Variants in STX18 observed in about 807,000 individuals in gnomAD.
The protein encoded by STX18 is syntaxin 18.
A neutral mutation model predicts 50.1 loss-of-function variants in STX18; 40 were observed. The observed-to-expected ratio is 0.80, with a 90% CI of 0.62 to 1.04. The LOEUF (loss-of-function observed/expected upper bound fraction) is 1.04, where lower values mean the gene tolerates loss of function less well. STX18 is among the 50% of genes least tolerant of loss of function. The pLI is 0.00. For synonymous variants in STX18, 158 were observed against 151.8 expected (o/e 1.04, Z -0.30); for missense variants, 410 against 415.8 (o/e 0.99, Z 0.12).
intron 5 of STX18, among the ~76,000 whole-genome samples, chr4:4,452,217 T>C (rs1338986655): frequency 6.6e-6 from 1 of 152,116 alleles, no homozygotes; most frequent in Non-Finnish European, 1.5e-5. Context: ...GCAGCAGAGG[T>C]TGGTTCATGA....
chr4:4,488,920 C>G (rs1027667523), intron 1 of STX18, among the ~76,000 whole-genome samples: 2 of 152,182 alleles, frequency 1.3e-5, no homozygotes, highest in East Asian at 3.9e-4. Flanking sequence ...GCAAAAGCAA[C>G]TTCAAGCGGC....
chr4:4,523,015 G>A (rs1325475900), intron 1 of STX18, among the ~76,000 whole-genome samples: 1 of 152,164 alleles, frequency 6.6e-6, no homozygotes, highest in Non-Finnish European at 1.5e-5. Flanking sequence ...GCACTTTCAA[G>A]GTGCTTTACT....
At position 4,423,508 on chromosome 4, in the gene STX18, GTTTT is replaced by G. The variant is rs528306573; in HGVS notation, c.831+6_831+9del. On this transcript the variant is annotated splice_donor_region_variant and intron_variant, in intron 9 of 10. Coordinates refer to ENST00000306200, the MANE Select transcript of STX18 (RefSeq NM_016930.4). ...GAAAACATACAGCTCCTTTGTTTTT[GTTTT>G]TTTACCTGTTGCAAAACCTTTTCCG... The G allele has an allele frequency of 1.1e-3, 1,797 of 1,613,628 alleles. 14 individuals are homozygous for G. In the African/African-American group the frequency reaches 0.021, roughly 19 times the overall value.
chr4:4,477,662 C>A (rs1214371136), intron 1 of STX18, among the ~76,000 whole-genome samples: 1 of 152,178 alleles, frequency 6.6e-6, no homozygotes, highest in South Asian at 2.1e-4. Context: ...TCCAGCCAGT[C>A]TAAGTACCAG....
At chr4:4,439,668 C>T (rs1222160953) in intron 5 of STX18, among the ~76,000 whole-genome samples, 2 of 150,788 alleles carry the variant, frequency 1.3e-5, no homozygotes, top group Non-Finnish European at 2.9e-5. Context: ...CGTATATGTT[C>T]TAAGTCACAT....
chr4:4,442,604 G>A (rs1010229527), intron 5 of STX18, among the ~76,000 whole-genome samples: 1 of 152,048 alleles, frequency 6.6e-6, no homozygotes, highest in African/African-American at 2.4e-5. Context: ...GCGAAAGAAC[G>A]AGAGTCCGTA....
intron 1 of STX18, among the ~76,000 whole-genome samples, chr4:4,482,257 T>C (rs1728497062): frequency 6.6e-6 from 1 of 152,226 alleles, no homozygotes; most frequent in Non-Finnish European, 1.5e-5. Context: ...TTATTTACTG[T>C]CTACATGAAT....
chr4:4,430,973 A>T (rs1725487843), intron 7 of STX18, among the ~76,000 whole-genome samples: 2 of 152,170 alleles, frequency 1.3e-5, no homozygotes, highest in Non-Finnish European at 2.9e-5. Context: ...ACAGGATGAG[A>T]GCATCAGGTG....
At chr4:4,480,728 G>C (rs1341429009) in intron 1 of STX18, among the ~76,000 whole-genome samples, 1 of 152,020 alleles carries the variant, frequency 6.6e-6, no homozygotes, top group Non-Finnish European at 1.5e-5. Flanking sequence ...AACATACTAA[G>C]GCAGCCACAT....
intron 5 of STX18, among the ~76,000 whole-genome samples, chr4:4,452,078 TG>T (rs1726782433): frequency 6.6e-6 from 1 of 152,088 alleles, no homozygotes; most frequent in Non-Finnish European, 1.5e-5. Flanking sequence ...AAAGTGTGAG[TG>T]GTCTGGAGAG....
At chr4:4,424,290 G>C (rs771003727) in intron 8 of STX18, among the ~76,000 whole-genome samples, 57 of 152,266 alleles carry the variant, frequency 3.7e-4, no homozygotes, top group Non-Finnish European at 7.4e-4. Context: ...ACAAAGCAGC[G>C]ACAGGAAGTG....
intron 1 of STX18, among the ~76,000 whole-genome samples, chr4:4,487,740 CA>C (rs1467767236): frequency 3.9e-5 from 6 of 151,994 alleles, no homozygotes; most frequent in African/African-American, 1.4e-4. Flanking sequence ...AAATATTAAG[CA>C]AAAAAATGTA....
At chr4:4,527,777 T>C (rs922107728) in intron 1 of STX18, among the ~76,000 whole-genome samples, 4 of 147,342 alleles carry the variant, frequency 2.7e-5, no homozygotes, top group African/African-American at 9.9e-5. Context: ...AAAAAAATTA[T>C]ATATATATAA....
At chr4:4,496,526 C>G (rs1224627498) in intron 1 of STX18, among the ~76,000 whole-genome samples, 1 of 152,198 alleles carries the variant, frequency 6.6e-6, no homozygotes, top group Non-Finnish European at 1.5e-5. Flanking sequence ...CAGTCTCTAC[C>G]CTTTCTAATG....
At chr4:4,493,608 C>T (rs1729041706) in intron 1 of STX18, among the ~76,000 whole-genome samples, 1 of 152,178 alleles carries the variant, frequency 6.6e-6, no homozygotes, top group Admixed American at 6.5e-5. Flanking sequence ...ATTGGTCCTC[C>T]AAGTAAACAG....
intron 1 of STX18, chr4:4,478,803 G>A (rs774080591): frequency 8.9e-4 from 136 of 152,404 alleles, no homozygotes; most frequent in Non-Finnish European, 1.4e-3. Context: ...CAGATTTTGA[G>A]AAGGGAGAGC....
intron 2 of STX18, among the ~76,000 whole-genome samples, chr4:4,463,627 C>T (rs1214143683): frequency 6.6e-6 from 1 of 152,192 alleles, no homozygotes; most frequent in Non-Finnish European, 1.5e-5. Context: ...CCTAACTTGT[C>T]AGATACTAAA....
intron 2 of STX18, among the ~76,000 whole-genome samples, chr4:4,462,963 C>A (rs1468817587): frequency 6.6e-6 from 1 of 152,194 alleles, no homozygotes; most frequent in African/African-American, 2.4e-5. Context: ...GCAGGAGCCT[C>A]CTTTTGCTGT....
Position 4,474,437 on chromosome 4 carries a change from A to C in STX18, c.169-2731T>G, listed in dbSNP as rs144565490. On this transcript the variant is annotated intron_variant, in intron 1 of 10. Coordinates refer to ENST00000306200, the MANE Select transcript of STX18 (RefSeq NM_016930.4). ...AAGGATTATACCTGCTACCGTAGGC[A>C]GAATAATGGTTTTCCAGCTTCCCCA... Among the ~76,000 whole-genome samples the C allele has an allele frequency of 1.5e-4, 23 of 152,316 alleles. 1 individual carries two copies. In the Middle Eastern group the frequency reaches 0.01, roughly 68 times the overall value.
Sources: gnomAD v4.1 joint callset for allele counts (sites outside exome capture counted in the v4.1 genomes callset) on GRCh38, gnomAD v4.1.1 for gene constraint, MANE v1.5 for transcripts, NCBI Gene and HGNC (gene_info 2026-07-23, HGNC 2026-07-21) for gene names.